ZCCHC7: variants seen among roughly 807,000 people sequenced by gnomAD.
ZCCHC7 encodes the protein zinc finger CCHC-type containing 7.
ZCCHC7 carries 35 observed loss-of-function variants against 52.0 expected under a neutral mutation model. The observed-to-expected ratio is 0.67, with a 90% CI of 0.51 to 0.89. ZCCHC7 has a LOEUF of 0.89. ZCCHC7 is among the 40% of genes least tolerant of loss of function. The pLI, the probability that ZCCHC7 is intolerant of heterozygous loss-of-function variation, is 0.00. For synonymous variants in ZCCHC7, 217 were observed against 221.5 expected, an observed-to-expected ratio of 0.98 and a Z score of 0.18; for missense variants, 574 against 649.1, an observed-to-expected ratio of 0.88 and a Z score of 1.26.
chr9:37,321,236 C>A (rs368652232), intron 5 of ZCCHC7, among the ~76,000 whole-genome samples: 1 of 151,994 alleles, frequency 6.6e-6, no homozygotes, highest in East Asian at 1.9e-4. Context: ...GATCCACCCA[C>A]CTCGGCCTCC....
At chr9:37,234,952 T>G (rs900949620) in intron 2 of ZCCHC7, among the ~76,000 whole-genome samples, 9 of 152,234 alleles carry the variant, frequency 5.9e-5, no homozygotes, top group African/African-American at 2.2e-4. Flanking sequence ...TATTTTTATT[T>G]GATTATGTAC....
At chr9:37,127,380 A>C (rs907356362) in intron 2 of ZCCHC7, among the ~76,000 whole-genome samples, 1 of 152,146 alleles carries the variant, frequency 6.6e-6, no homozygotes, top group Non-Finnish European at 1.5e-5. Flanking sequence ...AGCATAGGGA[A>C]TGTCTGGCAC....
intron 2 of ZCCHC7, among the ~76,000 whole-genome samples, chr9:37,250,827 G>A (rs1826295652): frequency 6.6e-6 from 1 of 152,148 alleles, no homozygotes; most frequent in Non-Finnish European, 1.5e-5. Context: ...TAGCTGGCCT[G>A]ATATCAGGGC....
At chr9:37,294,011 G>T (rs1291826940) in intron 2 of ZCCHC7, among the ~76,000 whole-genome samples, 1 of 152,092 alleles carries the variant, frequency 6.6e-6, no homozygotes. Flanking sequence ...ACATTTTGAT[G>T]CTTTACTTGC....
chr9:37,223,464 T>C (rs1344968761), intron 2 of ZCCHC7, among the ~76,000 whole-genome samples: 4 of 151,962 alleles, frequency 2.6e-5, no homozygotes, highest in Non-Finnish European at 5.9e-5. Context: ...TAAAGAAATA[T>C]ATGAAAGGTT....
intron 2 of ZCCHC7, among the ~76,000 whole-genome samples, chr9:37,188,155 T>C (rs1435301595): frequency 6.6e-6 from 1 of 152,076 alleles, no homozygotes; most frequent in Non-Finnish European, 1.5e-5. Flanking sequence ...TTTATTTTTA[T>C]TTTTTTGTTT....
chr9:37,161,219 G>A (rs1178615575), intron 2 of ZCCHC7, among the ~76,000 whole-genome samples: 1 of 152,028 alleles, frequency 6.6e-6, no homozygotes, highest in African/African-American at 2.4e-5. Context: ...AAAGTGCTGG[G>A]ATTACAGGCA....
chr9:37,309,288 C>T (rs566871856), intron 5 of ZCCHC7, among the ~76,000 whole-genome samples: 124 of 152,246 alleles, frequency 8.1e-4, no homozygotes, highest in African/African-American at 2.7e-3. Flanking sequence ...GAAGCCGAGT[C>T]ATTCTGGCCC....
intron 2 of ZCCHC7, among the ~76,000 whole-genome samples, chr9:37,199,599 C>T (rs1271427161): frequency 9.9e-5 from 15 of 151,494 alleles, no homozygotes; most frequent in African/African-American, 3.1e-4. Flanking sequence ...TCCCAAAGTG[C>T]TGGGATTACA....
intron 1 of ZCCHC7, among the ~76,000 whole-genome samples, chr9:37,124,846 A>G (rs1051754121): frequency 3.3e-5 from 5 of 152,194 alleles, no homozygotes; most frequent in African/African-American, 9.7e-5. Context: ...GTAAAAATAT[A>G]CATTTTTGTA....
rs78796186 is a variant in ZCCHC7, at chr9:37,205,847, T to C, written c.610+78905T>C. On this transcript the variant is annotated intron_variant, in intron 2 of 8. Transcript: ENST00000336755. Reference sequence around the variant, plus strand: ...ACTTTTTTTATTTGGTGAGGAAAGTTGAAATCATGCATTTGTACAATTGTG... The same window carrying C: ...ACTTTTTTTATTTGGTGAGGAAAGTCGAAATCATGCATTTGTACAATTGTG... 6.4e-3 allele frequency among the ~76,000 whole-genome samples: 972 copies of C among 152,202 alleles called. 10 individuals carry two copies. Among genetic ancestry groups the C allele is most frequent in the Non-Finnish European group, 0.01 (701 of 67,992 alleles).
At chr9:37,268,714 C>T (rs111773577) in intron 2 of ZCCHC7, among the ~76,000 whole-genome samples, 3,026 of 152,308 alleles carry the variant, frequency 0.02, 104 homozygotes, top group African/African-American at 0.067. Flanking sequence ...GCGTGAGCCA[C>T]CGCGCCCGGC....
intron 5 of ZCCHC7, among the ~76,000 whole-genome samples, chr9:37,320,453 C>T (rs1695988442): frequency 6.6e-6 from 1 of 152,098 alleles, no homozygotes; most frequent in South Asian, 2.1e-4. Flanking sequence ...CTAGAATCAC[C>T]TTGTCTGTAC....
At chr9:37,213,083 CA>C (rs149033844) in intron 2 of ZCCHC7, among the ~76,000 whole-genome samples, 1,954 of 152,204 alleles carry the variant, frequency 0.013, 39 homozygotes, top group African/African-American at 0.045. Flanking sequence ...AACAATATTG[CA>C]AATACATGTA....
At chr9:37,257,584 T>A (rs549592456) in intron 2 of ZCCHC7, among the ~76,000 whole-genome samples, 1 of 152,194 alleles carries the variant, frequency 6.6e-6, no homozygotes, top group African/African-American at 2.4e-5. Context: ...CACTTTTATT[T>A]ATTTTTTATT....
intron 2 of ZCCHC7, among the ~76,000 whole-genome samples, chr9:37,136,583 A>G (rs1036620126): frequency 6.6e-6 from 1 of 152,046 alleles, no homozygotes; most frequent in Non-Finnish European, 1.5e-5. Context: ...TCAACCTCCC[A>G]GGTAGCTGAG....
intron 2 of ZCCHC7, among the ~76,000 whole-genome samples, chr9:37,256,186 A>G (rs1378605148): frequency 6.6e-6 from 1 of 152,170 alleles, no homozygotes; most frequent in African/African-American, 2.4e-5. Context: ...ATGATAGGTC[A>G]TGGATCTTTG....
intron 2 of ZCCHC7, among the ~76,000 whole-genome samples, chr9:37,148,221 G>T (rs188438542): frequency 6.6e-6 from 1 of 152,062 alleles, no homozygotes; most frequent in Admixed American, 6.6e-5. Flanking sequence ...CAATAACTAG[G>T]GCCTTTTGTG....
chr9:37,274,468 T>A (rs112738224), intron 2 of ZCCHC7, among the ~76,000 whole-genome samples: 18 of 150,478 alleles, frequency 1.2e-4, no homozygotes, highest in Non-Finnish European at 2.5e-4. Flanking sequence ...GCCTCCTAAG[T>A]AGCTGGAGTC....
Sources: gnomAD v4.1 joint callset for allele counts (sites outside exome capture counted in the v4.1 genomes callset) on GRCh38, gnomAD v4.1.1 for gene constraint, MANE v1.5 for transcripts, NCBI Gene and HGNC (gene_info 2026-07-23, HGNC 2026-07-21) for gene names.